The following SRCAP variants were observed in gnomAD, a reference collection of about 807,000 sequenced individuals.
The protein encoded by SRCAP is Snf2 related CREBBP activator protein.
SRCAP carries 46 observed loss-of-function variants against 263.1 expected under a neutral mutation model. That is an observed-to-expected ratio of 0.17 (90% CI 0.14 to 0.22). The LOEUF (loss-of-function observed/expected upper bound fraction) is 0.22. Ranked by LOEUF, SRCAP falls within the 10% of genes least tolerant of loss-of-function variation. SRCAP has a pLI of 1.00. For missense variants in SRCAP, 3,695 were observed against 4,181.9 expected (o/e 0.88, Z 3.21); for synonymous variants, 1,813 against 1,662.1 (o/e 1.09, Z -2.21).
chr16:30,731,479 T>G (rs1216473095), intron 27 of SRCAP, among the ~76,000 whole-genome samples: 2 of 152,204 alleles, frequency 1.3e-5, no homozygotes, highest in African/African-American at 4.8e-5. Flanking sequence ...ATCAAAATTT[T>G]TATTAATATG....
chr16:30,700,131 C>A (rs2052748932), intron 2 of SRCAP, 150 bp downstream of exon 2: 1 of 152,230 alleles, frequency 6.6e-6, no homozygotes, highest in South Asian at 2.1e-4. Flanking sequence ...GATTATAGTA[C>A]AACAACAGAA....
At chr16:30,711,174 T>C (rs2052887306) in intron 10 of SRCAP, 86 bp downstream of exon 10, 1 of 999,748 alleles carries the variant, frequency 1.0e-6, no homozygotes, top group African/African-American at 1.6e-5. Context: ...TAAGGCACTT[T>C]GTATCCACCC....
At chr16:30,722,001 T>C in intron 21 of SRCAP, 121 bp from the exon 22 acceptor site, 1 of 1,252,346 alleles carries the variant, frequency 8.0e-7, no homozygotes, top group Non-Finnish European at 1.1e-6. Context: ...ACATGGTAAA[T>C]TGTGGGAAGG....
chr16:30,703,334 C>T (rs2052790249), intron 3 of SRCAP, among the ~76,000 whole-genome samples: 1 of 151,240 alleles, frequency 6.6e-6, no homozygotes, highest in African/African-American at 2.4e-5. Context: ...GCTGGGATTA[C>T]AGGCTCCCGC....
intron 31 of SRCAP, among the ~76,000 whole-genome samples, chr16:30,735,566 A>G (rs1358256140): frequency 2.2e-5 from 1 of 46,198 alleles, no homozygotes; most frequent in Non-Finnish European, 4.2e-5. Context: ...TTTTGACATT[A>G]CTTTTTTTTT....
At chr16:30,725,425 A>G (rs943205885) in intron 25 of SRCAP, 2 of 252,934 alleles carry the variant, frequency 7.9e-6, no homozygotes, top group Non-Finnish European at 1.5e-5. Flanking sequence ...TGTACTATGT[A>G]TATAGGCCCA....
intron 8 of SRCAP, 68 bp downstream of exon 8, chr16:30,710,196 C>A: frequency 1.3e-6 from 2 of 1,522,696 alleles, no homozygotes; most frequent in Non-Finnish European, 8.9e-7. Flanking sequence ...GGTCTGAGTT[C>A]CGGGCTGTGA....
Position 30,738,787 on chromosome 16 carries a change from C to T in SRCAP, c.8747C>T (p.Pro2916Leu), listed in dbSNP as rs2053188331. ...PVLEPQLIPGPQPLGPQPVHR... is the reference protein window; with the variant it reads ...PVLEPQLIPGLQPLGPQPVHR... ...CTGGAACCACAGCTTATTCCTGGGC[C>T]CCAGCCTCTTGGACCCCAGCCAGTT... The change falls in exon 34 of 34, where the codon CCC (proline) becomes CTC (leucine). Residue 2916 changes from proline (P) to leucine (L), a missense_variant. Around this residue, in one of 12 missense-constraint regions of SRCAP, gnomAD observed 1,207 missense variants for 1,142.9 expected, o/e 1.06. Coordinates refer to ENST00000262518, the MANE Select transcript of SRCAP (RefSeq NM_006662.3). 1 of 1,613,774 alleles carries T rather than the reference C, an allele frequency of 6.2e-7. No individual in the cohort carries two copies. Among genetic ancestry groups the T allele is most frequent in the Admixed American group, 1.7e-5 (1 of 59,984 alleles).
chr16:30,735,567 CTTTTTTTTTTTT>C (rs10663863), intron 31 of SRCAP, among the ~76,000 whole-genome samples: 6 of 69,588 alleles, frequency 8.6e-5, no homozygotes, highest in African/African-American at 2.4e-4. Context: ...TTTGACATTA[CTTTTTTTTTTTT>C]TTTTTTTTTT....
chr16:30,709,337 C>T (rs2052863106), intron 6 of SRCAP, among the ~76,000 whole-genome samples, 176 bp from the exon 7 acceptor site: 2 of 152,056 alleles, frequency 1.3e-5, no homozygotes, highest in African/African-American at 4.8e-5. Flanking sequence ...GCTCTTCTTC[C>T]TGCATGCTCC....
chr16:30,728,554 C>T (rs1458674869), intron 25 of SRCAP, among the ~76,000 whole-genome samples: 2 of 152,178 alleles, frequency 1.3e-5, no homozygotes, highest in African/African-American at 2.4e-5. Flanking sequence ...ATTGGCGCCT[C>T]TGTATCCTGG....
In SRCAP at chr16:30,740,055, C is replaced by A; in HGVS notation, c.*322C>A. ...CCCTTAGGGGAAGGGGGAGGGGCTT[C>A]TCTACAATGAGGTTTTTTTCTTTTT... is the stretch of plus-strand genomic sequence containing the variant. On this transcript the variant is annotated 3_prime_UTR_variant, in exon 34 of 34. Transcript: ENST00000262518. 3.9e-6 allele frequency: 1 copy of A among 256,992 alleles called. No individual in the cohort carries two copies. Among genetic ancestry groups the A allele is most frequent in the Non-Finnish European group, 7.3e-6 (1 of 136,746 alleles). 15.9% of individuals were successfully genotyped at this position (256,992 alleles called of 1,614,324 possible).
rs972053442 is a variant in SRCAP at position 30,722,396 on chromosome 16, G to A, written c.3706+110G>A. ...TATGTTTCTTACCCAAGCTTTTGGT[G>A]GGTGGGGCCAACGGGCATGGTTGGA... On this transcript the variant is annotated intron_variant, in intron 22 of 33. Coordinates refer to ENST00000262518, the MANE Select transcript of SRCAP (RefSeq NM_006662.3). 7 of 1,528,354 alleles carry A rather than the reference G, an allele frequency of 4.6e-6. No homozygotes were observed. The African/African-American group carries it at 9.7e-5, about 21-fold the overall frequency. 94.7% of individuals were successfully genotyped at this position (1,528,354 alleles called of 1,614,324 possible). A position where few individuals can be genotyped will look rare whatever the true frequency, so the allele number is the denominator to read the frequency against.
intron 25 of SRCAP, 187 bp downstream of exon 25, chr16:30,725,269 C>A: frequency 8.0e-7 from 1 of 1,245,124 alleles, no homozygotes; most frequent in Non-Finnish European, 1.1e-6. Flanking sequence ...GATCCGCCTG[C>A]CTCAGCCTCC....
chr16:30,734,698 A>G lies in SRCAP; in HGVS notation c.6729+83A>G. The G allele has an allele frequency of 4.4e-6, 7 of 1,582,442 alleles. No homozygotes were observed. In the South Asian group the frequency reaches 8.0e-5, roughly 18 times the overall value. On this transcript the variant is annotated intron_variant, in intron 31 of 33. Transcript: ENST00000262518. ...TTTTGTTAGTCTGTTGAGCTTGTCC[A>G]GGGGAAAGAGATGTTTCTTCTGCTT...
At chr16:30,705,297 C>CA (rs946342691) in intron 4 of SRCAP, among the ~76,000 whole-genome samples, 5 of 150,776 alleles carry the variant, frequency 3.3e-5, no homozygotes, top group South Asian at 4.2e-4. Flanking sequence ...GACTCTGTCT[C>CA]AAAAAAAAAT....
Position 30,724,491 on chromosome 16 carries a change from C to T in SRCAP, c.5067C>T (p.Pro1689=), listed in dbSNP as rs1322833131. The change falls in exon 25 of 34, where the codon CCC becomes CCT. Residue 1689 remains proline, a synonymous_variant. Transcript: ENST00000262518. The stretch of plus-strand genomic sequence containing the variant: ...TGGCCCTAGCCCCAGCTTTAGCACC[C>T]ACTCTTGGAGGCTCATCTCCATCTC... ...QTLALAPALA[P]TLGGSSPSQT... is the part of the protein sequence containing the mutation. The T allele has an allele frequency of 1.2e-6, 2 of 1,614,028 alleles. No individual in the cohort carries two copies. Among genetic ancestry groups the T allele is most frequent in the Non-Finnish European group, 1.7e-6 (2 of 1,180,026 alleles).
At position 30,737,184 on chromosome 16, in the gene SRCAP, A is replaced by G. The variant is rs1464796179; in HGVS notation, c.7144A>G (p.Ser2382Gly). 2 of 1,614,046 alleles carry G rather than the reference A, an allele frequency of 1.2e-6. No individual in the cohort carries two copies. The highest frequency in any genetic ancestry group is 1.7e-6 in the Non-Finnish European group (2 of 1,179,998). The change falls in exon 34 of 34, where the codon AGT becomes GGT. Residue 2382 changes from serine to glycine, a missense_variant. Ser to Gly is a moderately conservative substitution (Grantham distance 56, BLOSUM62 0). Coordinates refer to ENST00000262518, the MANE Select transcript of SRCAP (RefSeq NM_006662.3). ...CGTGGGTHRR[S>G]KKAKAPERPG... is the part of the protein sequence containing the mutation. ...GACTGGTGGAGGCACCCACCGGCGC[A>G]GTAAAAAGGCCAAAGCCCCTGAGAG...
In SRCAP at chr16:30,738,185, A is replaced by C. The variant is rs897576157; in HGVS notation, c.8145A>C (p.Ser2715=). The part of the protein sequence containing the change: ...SSATSSPEGP[S]PARPPRRRTS... ...CCACTTCCTCGCCTGAGGGTCCTTCACCTGCCCGACCTCCTCGGCGTCGCA... is the reference window on the plus strand; with the variant it reads ...CCACTTCCTCGCCTGAGGGTCCTTCCCCTGCCCGACCTCCTCGGCGTCGCA... The change falls in exon 34 of 34, where the codon TCA becomes TCC. Residue 2715 remains serine, a synonymous_variant. Transcript: ENST00000262518. 5.6e-6 allele frequency: 9 copies of C among 1,613,970 alleles called. No individual in the cohort carries two copies. The highest frequency in any genetic ancestry group is 7.6e-6 in the Non-Finnish European group (9 of 1,180,024).
Sources: allele counts gnomAD v4.1 joint callset (sites outside exome capture counted in the v4.1 genomes callset), GRCh38; gene constraint gnomAD v4.1.1; regional missense constraint gnomAD v4.1.1; transcripts MANE v1.5; gene names NCBI Gene and HGNC (gene_info 2026-07-23, HGNC 2026-07-21).